Variants in IFT140 observed in about 807,000 individuals in gnomAD.
The protein encoded by IFT140 is intraflagellar transport protein 140 homolog.
In IFT140, 133 loss-of-function variants were observed where a neutral mutation model predicts 164.6. The ratio of observed to expected loss-of-function variants is 0.81; its 90% CI spans 0.70 to 0.93. The LOEUF (loss-of-function observed/expected upper bound fraction) is 0.93, where lower values mean the gene tolerates loss of function less well. Ranked by LOEUF, IFT140 falls within the 40% of genes least tolerant of loss-of-function variation. The pLI is 0.00. For synonymous variants in IFT140, 860 were observed against 817.3 expected (o/e 1.05, Z -0.89); for missense variants, 2,045 against 1,972.3 (o/e 1.04, Z -0.70).
chr16:1,602,358 G>T lies in IFT140; in HGVS notation c.369+12C>A, dbSNP rs192986766. On this transcript the variant is annotated intron_variant, in intron 4 of 30. Coordinates refer to ENST00000426508, the MANE Select transcript of IFT140 (RefSeq NM_014714.4). ...AAGGTCTGAAAACAGCGTCTTGCGC[G>T]TGTTGACTCACCCTGTCCCCAGACA... The T allele has an allele frequency of 6.2e-7, 1 of 1,610,252 alleles. No individual in the cohort carries two copies. Among genetic ancestry groups the T allele is most frequent in the South Asian group, 1.1e-5 (1 of 90,920 alleles).
chr16:1,553,212 C>G lies in IFT140; in HGVS notation c.2399+4723G>C. On this transcript the variant is annotated intron_variant, in intron 19 of 30. Transcript: ENST00000426508. The surrounding 1 kb of genome is among the most constrained non-coding windows in gnomAD (Gnocchi z 4.4). ...TCCTTCCCTGTGTCTCTGTCTCTGT[C>G]TCTCTCTGTCTCCATCTGTCTCTGT... 1.0e-6 allele frequency: 1 copy of G among 980,820 alleles called. No individual in the cohort carries two copies. The highest frequency in any genetic ancestry group is 1.2e-6 in the Non-Finnish European group (1 of 825,862). The allele number at this position is 980,820 out of a possible 1,614,324, so 60.8% of individuals were successfully genotyped here.
At chr16:1,587,469 T>C (rs1260625871) in intron 8 of IFT140, among the ~76,000 whole-genome samples, 165 bp from the exon 9 acceptor site, 1 of 152,236 alleles carries the variant, frequency 6.6e-6, no homozygotes, top group Admixed American at 6.5e-5. Flanking sequence ...GGACATTTTA[T>C]GTCCTGTTTC....
rs139642064 is a variant in IFT140 at position 1,530,018 on chromosome 16, G to A, written c.2400-3222C>T. On this transcript the variant is annotated intron_variant, in intron 19 of 30. Coordinates refer to ENST00000426508, the MANE Select transcript of IFT140 (RefSeq NM_014714.4). ...CGTCTCACTTCTCTAACATCTGGGT[G>A]GTGGCAGCACTGGGGCCTCAGTGCG... Among the ~76,000 whole-genome samples, 239 of 152,268 alleles carry A rather than the reference G, an allele frequency of 1.6e-3. 4 individuals are homozygous for A. In the East Asian group the frequency reaches 0.033, roughly 21 times the overall value.
chr16:1,581,321 C>T (rs890425845), intron 12 of IFT140, among the ~76,000 whole-genome samples: 2 of 152,132 alleles, frequency 1.3e-5, no homozygotes, highest in South Asian at 2.1e-4. Flanking sequence ...AATCTAGAGG[C>T]GGGCCTGGTG....
intron 19 of IFT140, among the ~76,000 whole-genome samples, chr16:1,550,427 A>G (rs930416677): frequency 6.6e-6 from 1 of 152,276 alleles, no homozygotes; most frequent in African/African-American, 2.4e-5. Flanking sequence ...TCTTAAGAAA[A>G]TAAGTAAAAC....
At chr16:1,554,288 C>T (rs2141418560) in intron 19 of IFT140, among the ~76,000 whole-genome samples, 1 of 152,338 alleles carries the variant, frequency 6.6e-6, no homozygotes, top group East Asian at 1.9e-4. Flanking sequence ...ACCAAACTGA[C>T]CTGTTTCCAG....
At chr16:1,556,433 G>C (rs1477660456) in intron 19 of IFT140, among the ~76,000 whole-genome samples, 1 of 152,250 alleles carries the variant, frequency 6.6e-6, no homozygotes, top group East Asian at 1.9e-4. Flanking sequence ...ATGCCCTGCT[G>C]GCATCGGCCA....
intron 19 of IFT140, chr16:1,540,953 C>G (rs2141282500): frequency 1.0e-6 from 1 of 985,412 alleles, no homozygotes; most frequent in East Asian, 1.1e-4. Context: ...CGTGCAGGGG[C>G]CTGGGAACAC....
At position 1,581,281 on chromosome 16, in the gene IFT140, A is replaced by C. The variant is rs183241096; in HGVS notation, c.1433-431T>G. Among the ~76,000 whole-genome samples the C allele has an allele frequency of 1.9e-3, 282 of 152,294 alleles. 2 individuals carry two copies. The highest frequency in any genetic ancestry group is 6.5e-3 in the African/African-American group (270 of 41,554). ...AAAAGCAGTTTTTGCCATCAACCAC[A>C]ATTACTTTTGCAGCAACATAATAGA... On this transcript the variant is annotated intron_variant, in intron 12 of 30. Transcript: ENST00000426508.
At position 1,583,365 on chromosome 16, in the gene IFT140, C is replaced by A. The variant is rs146049665; in HGVS notation, c.1381G>T (p.Gly461Ter). The A allele has an allele frequency of 6.2e-7, 1 of 1,614,032 alleles. No individual in the cohort carries two copies. The highest frequency in any genetic ancestry group is 8.5e-7 in the Non-Finnish European group (1 of 1,180,028). ...ATKDAVAVWN[G>*]RQVAIFELSG... ...AGCTCGAAGATCGCCACCTGCCTTC[C>A]GTTCCAGACTGCGACAGCATCCTGA... The change falls in exon 12 of 31, where the codon GGA becomes TGA. Residue 461 changes from glycine to a stop codon, truncating the protein, a stop_gained. Coordinates refer to ENST00000426508, the MANE Select transcript of IFT140 (RefSeq NM_014714.4). LOFTEE classifies it high-confidence loss of function.
At chr16:1,561,035 T>C (rs1048527979) in intron 18 of IFT140, among the ~76,000 whole-genome samples, 3 of 152,280 alleles carry the variant, frequency 2.0e-5, no homozygotes, top group Non-Finnish European at 4.4e-5. Flanking sequence ...GCAGAACCCC[T>C]GTGGGGCTCA....
At chr16:1,557,449 C>G (rs77013263) in intron 19 of IFT140, 3,482 of 159,058 alleles carry the variant, frequency 0.022, 129 homozygotes, top group African/African-American at 0.078. Context: ...TTTCATTCTT[C>G]GATTTTCTAC....
rs750621356 is a variant in IFT140 at position 1,580,758 on chromosome 16, C to T, written c.1524+1G>A. On this transcript the variant is annotated splice_donor_variant, in intron 13 of 30. Coordinates refer to ENST00000426508, the MANE Select transcript of IFT140 (RefSeq NM_014714.4). LOFTEE classifies it high-confidence loss of function. ...TTTCTTGCAGTGGAGCAGCAACTTACCTGCCAGGTTCGAACTTGAACTCGG... is the reference window on the plus strand; with the variant it reads ...TTTCTTGCAGTGGAGCAGCAACTTATCTGCCAGGTTCGAACTTGAACTCGG... 5 of 1,610,106 alleles carry T rather than the reference C, an allele frequency of 3.1e-6. No homozygotes were observed. Among genetic ancestry groups the T allele is most frequent in the South Asian group, 1.1e-5 (1 of 91,016 alleles).
At chr16:1,572,318 T>C in intron 13 of IFT140, among the ~76,000 whole-genome samples, 1 of 152,196 alleles carries the variant, frequency 6.6e-6, no homozygotes, top group East Asian at 1.9e-4. Flanking sequence ...TTCCAGCATG[T>C]TAGAAAGCAC....
chr16:1,604,725 G>A (rs2035973431), intron 3 of IFT140, among the ~76,000 whole-genome samples: 1 of 152,132 alleles, frequency 6.6e-6, no homozygotes, highest in African/African-American at 2.4e-5. Flanking sequence ...GGAACCTGGA[G>A]GAGGGAAGGG....
At chr16:1,534,417 T>A in intron 19 of IFT140, 1 of 1,612,194 alleles carries the variant, frequency 6.2e-7, no homozygotes, top group Non-Finnish European at 8.5e-7. Context: ...GCTGTGGAGG[T>A]CCTGCTGGCT....
intron 14 of IFT140, among the ~76,000 whole-genome samples, chr16:1,570,588 C>T (rs1196423325): frequency 6.6e-6 from 1 of 152,194 alleles, no homozygotes; most frequent in African/African-American, 2.4e-5. Flanking sequence ...GAGCCGAGCT[C>T]CTGTGCAGTT....
chr16:1,555,045 C>G (rs1162271283), intron 19 of IFT140: 2 of 1,596,546 alleles, frequency 1.3e-6, no homozygotes, highest in Non-Finnish European at 1.7e-6. Context: ...TCTCAGCGCT[C>G]CATCAACGCA....
intron 4 of IFT140, among the ~76,000 whole-genome samples, chr16:1,595,367 C>G (rs780236840): frequency 2.6e-5 from 4 of 152,208 alleles, no homozygotes; most frequent in Middle Eastern, 6.8e-3. Flanking sequence ...CCTCTCATCC[C>G]AGTACTTTGG....
Sources: gnomAD v4.1 joint callset for allele counts (sites outside exome capture counted in the v4.1 genomes callset) on GRCh38, gnomAD v4.1.1 for gene constraint, Gnocchi (gnomAD v3.1) non-coding constraint, MANE v1.5 for transcripts, NCBI Gene and HGNC (gene_info 2026-07-23, HGNC 2026-07-21) for gene names.